TNS3: variants seen among roughly 807,000 people sequenced by gnomAD.
The protein encoded by TNS3 is tensin 3.
TNS3 carries 45 observed loss-of-function variants against 140.9 expected under a neutral mutation model. The observed-to-expected ratio is 0.32, with a 90% confidence interval of 0.25 to 0.41. TNS3 has a LOEUF of 0.41. Ranked by LOEUF, TNS3 falls within the 10% of genes least tolerant of loss-of-function variation. The probability of loss-of-function intolerance (pLI) is 1.00; values close to 1 mark genes in which losing one functional copy is unlikely to be tolerated. For missense variants in TNS3, 1,716 were observed against 1,906.7 expected (o/e 0.90, Z 1.86); for synonymous variants, 815 against 788.4 (o/e 1.03, Z -0.56).
At chr7:47,425,806 G>T (rs1264807192) in intron 9 of TNS3, among the ~76,000 whole-genome samples, 1 of 152,164 alleles carries the variant, frequency 6.6e-6, no homozygotes. Context: ...GTTGATACAA[G>T]AATGTTCTTC....
intron 4 of TNS3, among the ~76,000 whole-genome samples, chr7:47,471,410 G>T (rs1355336134): frequency 6.6e-6 from 1 of 152,108 alleles, no homozygotes; most frequent in Non-Finnish European, 1.5e-5. Flanking sequence ...AGCCGTCCTG[G>T]GTCCCACTCA....
intron 20 of TNS3, among the ~76,000 whole-genome samples, chr7:47,313,676 C>T (rs567791223): frequency 6.6e-6 from 1 of 152,294 alleles, no homozygotes; most frequent in Admixed American, 6.5e-5. Flanking sequence ...ACAGAGTCCC[C>T]GTGCCTCAAG....
chr7:47,478,808 T>G lies in TNS3; in HGVS notation c.-76+2295A>C, dbSNP rs146645261. ...TGTGTGCGTATAACAATTACATGTA[T>G]AACATGCATGTATGTGTTCATGTAC... On this transcript the variant is annotated intron_variant, in intron 4 of 30. Transcript: ENST00000311160. 9.9e-5 allele frequency among the ~76,000 whole-genome samples: 15 copies of G among 152,240 alleles called. No individual in the cohort carries two copies. The East Asian group carries it at 2.9e-3, about 29-fold the overall frequency.
At chr7:47,416,797 T>C (rs1199906207) in intron 10 of TNS3, among the ~76,000 whole-genome samples, 1 of 152,188 alleles carries the variant, frequency 6.6e-6, no homozygotes, top group Non-Finnish European at 1.5e-5. Context: ...TTTTACGCAT[T>C]GTGGATTTCA....
chr7:47,369,378 GC>G lies in TNS3; in HGVS notation c.1267del (p.Ala423GlnfsTer22). ...GCCACTGAGCAGCTGGTCCAACTCT[GC>G]CTTCTCCTGGGCACTCAGGCCCCTC... Reference protein sequence around the residue: ...TRRGLSAQEKAELDQLLSGFG... With the variant: ...TRRGLSAQEKXELDQLLSGFG... On this transcript the variant is annotated frameshift_variant, in exon 17 of 31. Transcript: ENST00000311160. LOFTEE classifies it high-confidence loss of function. The G allele has an allele frequency of 6.2e-7, 1 of 1,614,146 alleles. No individual in the cohort carries two copies. The highest frequency in any genetic ancestry group is 8.5e-7 in the Non-Finnish European group (1 of 1,180,024).
At chr7:47,383,493 T>A (rs1434934563) in intron 16 of TNS3, among the ~76,000 whole-genome samples, 1 of 152,202 alleles carries the variant, frequency 6.6e-6, no homozygotes, top group Non-Finnish European at 1.5e-5. Flanking sequence ...CTTGTGAACG[T>A]ACTAAAAATC....
At chr7:47,567,609 G>A (rs1345234100) in intron 1 of TNS3, among the ~76,000 whole-genome samples, 1 of 151,368 alleles carries the variant, frequency 6.6e-6, no homozygotes, top group Non-Finnish European at 1.5e-5. Context: ...GAGTGAAGCT[G>A]GGAGACGGAG....
In TNS3 at chr7:47,335,069, G is replaced by A. The variant is rs188968004; in HGVS notation, c.2650+9686C>T. Among the ~76,000 whole-genome samples the A allele has an allele frequency of 2.3e-3, 354 of 152,156 alleles. 2 individuals carry two copies. Among genetic ancestry groups the A allele is most frequent in the Non-Finnish European group, 2.1e-3 (146 of 67,998 alleles). ...TTATAGGGGAGACTTGAGATTAAAC[G>A]ACTCCCATTGTTACATTTTTACAAA... On this transcript the variant is annotated intron_variant, in intron 20 of 30. Coordinates refer to ENST00000311160, the MANE Select transcript of TNS3 (RefSeq NM_022748.12).
At chr7:47,345,094 C>A in intron 18 of TNS3, 56 bp from the exon 19 acceptor site, 1 of 1,430,508 alleles carries the variant, frequency 7.0e-7, no homozygotes, top group Non-Finnish European at 9.8e-7. Context: ...GAAGGCCCCT[C>A]CAAACAGTTG....
chr7:47,483,358 A>C (rs1797495834), intron 3 of TNS3, among the ~76,000 whole-genome samples: 2 of 151,764 alleles, frequency 1.3e-5, no homozygotes, highest in African/African-American at 4.8e-5. Flanking sequence ...TTTAGTAGAG[A>C]TGGGGTTTCA....
intron 17 of TNS3, among the ~76,000 whole-genome samples, chr7:47,350,799 G>A (rs1352023102): frequency 6.6e-6 from 1 of 152,218 alleles, no homozygotes; most frequent in Non-Finnish European, 1.5e-5. Flanking sequence ...CAGGCAGTAA[G>A]TGTTATAATG....
intron 20 of TNS3, among the ~76,000 whole-genome samples, chr7:47,311,399 A>AGTGTGT (rs10617598): frequency 0.014 from 2,075 of 147,394 alleles, 23 homozygotes; most frequent in East Asian, 0.061. Flanking sequence ...GAACTTAAAG[A>AGTGTGT]GTGTGTGTGT....
intron 1 of TNS3, among the ~76,000 whole-genome samples, chr7:47,569,204 T>C (rs1220313643): frequency 6.6e-6 from 1 of 152,236 alleles, no homozygotes; most frequent in African/African-American, 2.4e-5. Context: ...AGGACAAGTC[T>C]GCTGGATGCC....
At position 47,292,881 on chromosome 7, in the gene TNS3, T is replaced by C; in HGVS notation, c.3797A>G (p.Gln1266Arg). 1 of 1,614,168 alleles carries C rather than the reference T, an allele frequency of 6.2e-7. No homozygotes were observed. Among genetic ancestry groups the C allele is most frequent in the Non-Finnish European group, 8.5e-7 (1 of 1,180,022 alleles). ...YFGSLTALVC[Q>R]HSITPLALPC... The stretch of plus-strand genomic sequence containing the variant: ...CAAGGCCAAGGGCGTGATGGAATGC[T>C]GGCACACCAAGGCCGTCAGGCTCCC... The change falls in exon 26 of 31, where the codon CAG becomes CGG. Residue 1266 changes from glutamine (Q) to arginine (R), a missense_variant. Transcript: ENST00000311160.
At chr7:47,341,673 CTTCT>C (rs1282192046) in intron 20 of TNS3, among the ~76,000 whole-genome samples, 1 of 151,900 alleles carries the variant, frequency 6.6e-6, no homozygotes, top group African/African-American at 2.4e-5. Context: ...CAAAGAACCA[CTTCT>C]TTCATTTATT....
chr7:47,481,052 T>C, intron 4 of TNS3, 51 bp downstream of exon 4: 1 of 1,259,890 alleles, frequency 7.9e-7, no homozygotes, highest in Non-Finnish European at 1.0e-6. Context: ...AGAAAGGACT[T>C]AGTCCTTTCT....
Position 47,368,397 on chromosome 7 carries a change from C to A in TNS3, c.2249G>T (p.Gly750Val). 6.6e-7 allele frequency: 1 copy of A among 1,510,964 alleles called. No homozygotes were observed. Among genetic ancestry groups the A allele is most frequent in the Non-Finnish European group, 8.9e-7 (1 of 1,127,076 alleles). 93.6% of individuals were successfully genotyped at this position (1,510,964 alleles called of 1,614,324 possible). A position where few individuals can be genotyped will look rare whatever the true frequency, so the allele number is the denominator to read the frequency against. ...LRASSRLPDT[G>V]EGPSRATGRQ... is the part of the protein sequence containing the mutation. ...CCCGGTGGCCCTGCTGGGGCCCTCT[C>A]CTGTGTCAGGCAGCCTGCTGCTTGC... The change falls in exon 17 of 31, where the codon GGA becomes GTA. Residue 750 changes from glycine (G) to valine (V), a missense_variant. This residue lies in a region of TNS3 where 1,163 missense variants were observed against 1,182.1 expected (regional missense o/e 0.98). Transcript: ENST00000311160.
At chr7:47,419,425 T>G (rs1794255897) in intron 10 of TNS3, among the ~76,000 whole-genome samples, 2 of 152,192 alleles carry the variant, frequency 1.3e-5, no homozygotes, top group South Asian at 2.1e-4. Context: ...GTGAAAGAGA[T>G]CTAATGTAAC....
At chr7:47,342,728 A>C (rs1789090792) in intron 20 of TNS3, among the ~76,000 whole-genome samples, 1 of 152,228 alleles carries the variant, frequency 6.6e-6, no homozygotes, top group Non-Finnish European at 1.5e-5. Flanking sequence ...TGGGGGTAAC[A>C]GTAAGAGTGA....
Sources: allele counts gnomAD v4.1 joint callset (sites outside exome capture counted in the v4.1 genomes callset), GRCh38; gene constraint gnomAD v4.1.1; regional missense constraint gnomAD v4.1.1; transcripts MANE v1.5; gene names NCBI Gene and HGNC (gene_info 2026-07-23, HGNC 2026-07-21).